RELN: variants seen among roughly 807,000 people sequenced by gnomAD.
RELN encodes reelin.
A neutral mutation model predicts 427.6 loss-of-function variants in RELN; 108 were observed. The ratio of observed to expected loss-of-function variants is 0.25; its 90% CI spans 0.22 to 0.30. The LOEUF (loss-of-function observed/expected upper bound fraction) is 0.30. Among genes scored for constraint, RELN ranks in the 10% least tolerant of loss-of-function variants. The pLI is 1.00. For missense variants in RELN, 3,715 were observed against 4,302.8 expected (o/e 0.86, Z 3.82); for synonymous variants, 1,524 against 1,513.4 (o/e 1.01, Z -0.16).
At chr7:103,541,966 A>AAGAT (rs1830186574) in intron 43 of RELN, among the ~76,000 whole-genome samples, 1 of 152,258 alleles carries the variant, frequency 6.6e-6, no homozygotes. Context: ...GATGTATTCT[A>AAGAT]AGATACTCTG....
intron 6 of RELN, among the ~76,000 whole-genome samples, chr7:103,748,604 T>C (rs1227553820): frequency 6.6e-6 from 1 of 152,192 alleles, no homozygotes; most frequent in African/African-American, 2.4e-5. Context: ...AAAAATAAAA[T>C]GATTATTGCT....
intron 2 of RELN, among the ~76,000 whole-genome samples, chr7:103,841,443 T>G (rs1407521460): frequency 6.6e-6 from 1 of 152,296 alleles, no homozygotes; most frequent in East Asian, 1.9e-4. Context: ...AGAGTTTCCT[T>G]TATCCACATT....
chr7:103,891,330 T>C (rs776642841), intron 2 of RELN, among the ~76,000 whole-genome samples: 1 of 152,134 alleles, frequency 6.6e-6, no homozygotes, highest in Non-Finnish European at 1.5e-5. Flanking sequence ...TTACAGCATA[T>C]CATACTAATG....
chr7:103,704,981 A>G (rs1039033248), intron 8 of RELN, among the ~76,000 whole-genome samples: 9 of 152,044 alleles, frequency 5.9e-5, no homozygotes, highest in Non-Finnish European at 1.2e-4. Flanking sequence ...CTGATCCGAT[A>G]TTTCTGGGAT....
chr7:103,506,426 G>A (rs540673230), intron 51 of RELN, among the ~76,000 whole-genome samples: 4 of 152,250 alleles, frequency 2.6e-5, no homozygotes, highest in Non-Finnish European at 4.4e-5. Context: ...AAAGAAAAGA[G>A]TTTTCAATCC....
intron 2 of RELN, among the ~76,000 whole-genome samples, chr7:103,844,182 TAA>T (rs1793621842): frequency 6.6e-6 from 1 of 152,170 alleles, no homozygotes; most frequent in South Asian, 2.1e-4. Context: ...TGTAGGAGAC[TAA>T]AAAGAGTCTC....
chr7:103,669,512 C>G (rs1424147744), intron 11 of RELN, among the ~76,000 whole-genome samples: 1 of 152,160 alleles, frequency 6.6e-6, no homozygotes, highest in East Asian at 1.9e-4. Flanking sequence ...CCCCGGACTT[C>G]AAAGTCCCAA....
rs754207594 is a variant in RELN at position 103,917,148 on chromosome 7, C to A, written c.264G>T (p.Leu88=). The change falls in exon 2 of 65, where the codon CTG becomes CTT. Residue 88 remains leucine (L), a synonymous_variant. Transcript: ENST00000428762. ...ISTSTFFDGL[L]VTGLYTSTSV... ...TTGTAGATGTGTATAGTCCTGTCACCAGCAAGCCGTCAAAAAAGGTGCTTG... is the reference window on the plus strand; with the variant it reads ...TTGTAGATGTGTATAGTCCTGTCACAAGCAAGCCGTCAAAAAAGGTGCTTG... 11 of 1,613,200 alleles carry A rather than the reference C, an allele frequency of 6.8e-6. No individual in the cohort carries two copies. Among genetic ancestry groups the A allele is most frequent in the Non-Finnish European group, 8.5e-6 (10 of 1,179,686 alleles).
intron 1 of RELN, among the ~76,000 whole-genome samples, chr7:103,957,551 A>C (rs2116779795): frequency 6.6e-6 from 1 of 152,264 alleles, no homozygotes; most frequent in East Asian, 1.9e-4. Flanking sequence ...AGGGAGGTGA[A>C]GTTACTTCTC....
chr7:103,712,088 G>T (rs1028966330), intron 8 of RELN, among the ~76,000 whole-genome samples: 2 of 152,296 alleles, frequency 1.3e-5, no homozygotes, highest in Admixed American at 1.3e-4. Context: ...ATGTTTCTGT[G>T]CTATGCCGGC....
chr7:103,633,759 T>C (rs1038722077), intron 19 of RELN, among the ~76,000 whole-genome samples: 3 of 152,160 alleles, frequency 2.0e-5, no homozygotes, highest in Non-Finnish European at 4.4e-5. Context: ...CCATCTTTCT[T>C]AGAAAAAATT....
intron 2 of RELN, among the ~76,000 whole-genome samples, chr7:103,853,700 T>A (rs968065120): frequency 6.6e-6 from 1 of 152,096 alleles, no homozygotes; most frequent in African/African-American, 2.4e-5. Context: ...TGAGAATTTT[T>A]ATATTTTAAT....
chr7:103,977,169 G>A (rs1434522538), intron 1 of RELN, among the ~76,000 whole-genome samples: 3 of 151,886 alleles, frequency 2.0e-5, no homozygotes, highest in Admixed American at 1.3e-4. Context: ...AAATTAGCTG[G>A]GTATGGTGGT....
intron 17 of RELN, among the ~76,000 whole-genome samples, chr7:103,638,201 C>T (rs1832624449): frequency 6.6e-6 from 1 of 152,216 alleles, no homozygotes; most frequent in African/African-American, 2.4e-5. Context: ...TCCATCTACA[C>T]ATGCTTAAAT....
Position 103,517,374 on chromosome 7 carries a change from C to T in RELN, c.7863-1933G>A. 1.3e-5 allele frequency among the ~76,000 whole-genome samples: 2 copies of T among 152,028 alleles called. 1 individual carries two copies. The highest frequency in any genetic ancestry group is 2.9e-5 in the Non-Finnish European group (2 of 67,998). On this transcript the variant is annotated intron_variant, in intron 49 of 64. Transcript: ENST00000428762. Reference sequence around the variant, plus strand: ...TTAGTTTTTATTTTCTCTGATAAGTCTTTGACCACATTTTAAAAATCTCTG... The same window carrying T: ...TTAGTTTTTATTTTCTCTGATAAGTTTTTGACCACATTTTAAAAATCTCTG...
intron 28 of RELN, among the ~76,000 whole-genome samples, chr7:103,583,523 C>T (rs1019592911): frequency 3.3e-5 from 5 of 152,264 alleles, no homozygotes; most frequent in Non-Finnish European, 7.4e-5. Flanking sequence ...GTGTGTGAGG[C>T]GACTTAATAG....
Position 103,909,701 on chromosome 7 carries a change from AAT to A in RELN, c.337+7372_337+7373del, listed in dbSNP as rs1401146769. Among the ~76,000 whole-genome samples the A allele has an allele frequency of 1.6e-3, 81 of 50,930 alleles. 1 individual carries two copies. The highest frequency in any genetic ancestry group is 6.6e-3 in the Admixed American group (21 of 3,168). 33.4% of individuals were successfully genotyped at this position (50,930 alleles called of 152,430 possible). ...ATATATTTAATAAATATATATATTT[AAT>A]ATATATAAATATATATTAAATATAT... On this transcript the variant is annotated intron_variant, in intron 2 of 64. Transcript: ENST00000428762.
At chr7:103,924,745 A>G (rs1795688638) in intron 1 of RELN, among the ~76,000 whole-genome samples, 1 of 152,148 alleles carries the variant, frequency 6.6e-6, no homozygotes, top group African/African-American at 2.4e-5. Context: ...ATAAAAGGAA[A>G]TCCACTGAAA....
chr7:103,780,623 C>T (rs1341893398), intron 3 of RELN, among the ~76,000 whole-genome samples: 2 of 152,212 alleles, frequency 1.3e-5, no homozygotes, highest in African/African-American at 2.4e-5. Context: ...TATCATTTAG[C>T]TCCCACTTAT....
Sources: gnomAD v4.1 joint callset for allele counts (sites outside exome capture counted in the v4.1 genomes callset) on GRCh38, gnomAD v4.1.1 for gene constraint, MANE v1.5 for transcripts, NCBI Gene and HGNC (gene_info 2026-07-23, HGNC 2026-07-21) for gene names.